SEC22A: variants seen among roughly 807,000 people sequenced by gnomAD.
SEC22A encodes SEC22 homolog A, vesicle trafficking protein.
Under a neutral mutation model 35.3 loss-of-function variants are expected in SEC22A, and 22 were observed. That is an observed-to-expected ratio of 0.62 (90% CI 0.45 to 0.89). The LOEUF is 0.89. Ranked by LOEUF, SEC22A falls within the 40% of genes least tolerant of loss-of-function variation. The pLI is 0.00. For missense variants in SEC22A, 354 were observed against 362.5 expected (o/e 0.98, Z 0.19); for synonymous variants, 119 against 129.5 (o/e 0.92, Z 0.55).
intron 4 of SEC22A, among the ~76,000 whole-genome samples, chr3:123,240,153 A>G (rs138533695): frequency 2.0e-5 from 3 of 152,286 alleles, no homozygotes; most frequent in East Asian, 1.9e-4. Flanking sequence ...GGAATTAGCT[A>G]TCCCTGGGAG....
intron 1 of SEC22A, among the ~76,000 whole-genome samples, chr3:123,205,101 G>T (rs75919587): frequency 0.02 from 3,114 of 152,222 alleles, 54 homozygotes; most frequent in Non-Finnish European, 0.025. Flanking sequence ...AAAAAGTAGG[G>T]GTATGTTTAT....
intron 1 of SEC22A, among the ~76,000 whole-genome samples, chr3:123,207,389 T>C (rs1044909959): frequency 3.3e-5 from 5 of 152,060 alleles, no homozygotes; most frequent in African/African-American, 4.8e-5. Context: ...CTAGATTAAG[T>C]GGGCAGGTAA....
At chr3:123,224,695 G>T (rs1937189979) in intron 3 of SEC22A, among the ~76,000 whole-genome samples, 1 of 152,122 alleles carries the variant, frequency 6.6e-6, no homozygotes, top group South Asian at 2.1e-4. Flanking sequence ...GGAGACTGAG[G>T]CAGAAGGATC....
intron 2 of SEC22A, among the ~76,000 whole-genome samples, chr3:123,212,259 A>G (rs1377527456): frequency 1.3e-5 from 2 of 152,174 alleles, no homozygotes; most frequent in Non-Finnish European, 2.9e-5. Flanking sequence ...GTAAGATGTT[A>G]TATTTAATTG....
chr3:123,232,484 A>C (rs996879333), intron 4 of SEC22A, among the ~76,000 whole-genome samples: 8 of 152,176 alleles, frequency 5.3e-5, no homozygotes, highest in African/African-American at 1.9e-4. Flanking sequence ...GCCCAGATAC[A>C]TTTACTGGTG....
intron 6 of SEC22A, among the ~76,000 whole-genome samples, chr3:123,265,441 C>T (rs758337540): frequency 6.6e-6 from 1 of 150,962 alleles, no homozygotes; most frequent in African/African-American, 2.4e-5. Context: ...GTCTTTTCAT[C>T]CTCTTAACAG....
intron 4 of SEC22A, among the ~76,000 whole-genome samples, chr3:123,225,897 G>A (rs1937210977): frequency 6.6e-6 from 1 of 151,946 alleles, no homozygotes; most frequent in African/African-American, 2.4e-5. Context: ...TTATCTCCAT[G>A]AGTTCAGTTG....
intron 1 of SEC22A, 159 bp from the exon 2 acceptor site, chr3:123,209,037 CCCT>C (rs1408807430): frequency 5.6e-5 from 29 of 521,516 alleles, no homozygotes; most frequent in Non-Finnish European, 8.7e-5. Flanking sequence ...TTGTGATCCA[CCCT>C]CCTCAGCCAC....
At chr3:123,216,292 G>A (rs931099701) in intron 2 of SEC22A, among the ~76,000 whole-genome samples, 5 of 152,180 alleles carry the variant, frequency 3.3e-5, no homozygotes, top group Admixed American at 6.5e-5. Flanking sequence ...TCTCTGGAGT[G>A]TGGCTGTGTT....
intron 2 of SEC22A, among the ~76,000 whole-genome samples, chr3:123,216,627 G>A (rs780884750): frequency 2.0e-5 from 3 of 152,156 alleles, no homozygotes; most frequent in African/African-American, 7.2e-5. Flanking sequence ...TAAGAAAGGA[G>A]TAAGTGAGAA....
intron 6 of SEC22A, among the ~76,000 whole-genome samples, chr3:123,265,388 GT>G (rs1368165844): frequency 2.7e-5 from 4 of 148,834 alleles, no homozygotes; most frequent in South Asian, 2.1e-4. Context: ...CCCAGTCTAT[GT>G]TTTTTTTTAA....
At chr3:123,218,574 A>T (rs1937071327) in intron 2 of SEC22A, among the ~76,000 whole-genome samples, 1 of 152,192 alleles carries the variant, frequency 6.6e-6, no homozygotes, top group Non-Finnish European at 1.5e-5. Flanking sequence ...GAGTAATTCT[A>T]CCTGGCTCTT....
chr3:123,205,358 T>C (rs1278506432), intron 1 of SEC22A, among the ~76,000 whole-genome samples: 1 of 152,188 alleles, frequency 6.6e-6, no homozygotes, highest in Non-Finnish European at 1.5e-5. Flanking sequence ...ATGTAACTAC[T>C]GTGTTCTGCT....
At chr3:123,243,497 A>G (rs1391414999) in intron 4 of SEC22A, among the ~76,000 whole-genome samples, 2 of 152,020 alleles carry the variant, frequency 1.3e-5, no homozygotes, top group East Asian at 1.9e-4. Flanking sequence ...ACCTGACTAC[A>G]TTTTATCTAT....
chr3:123,252,539 G>A (rs886775553), intron 5 of SEC22A, among the ~76,000 whole-genome samples: 1 of 152,182 alleles, frequency 6.6e-6, no homozygotes, highest in South Asian at 2.1e-4. Context: ...CTGAAAATAT[G>A]TAGTGTATTT....
At chr3:123,258,936 A>G (rs891787282) in intron 5 of SEC22A, among the ~76,000 whole-genome samples, 1 of 152,170 alleles carries the variant, frequency 6.6e-6, no homozygotes, top group Non-Finnish European at 1.5e-5. Flanking sequence ...CATTCTATGC[A>G]TGAGGTATCT....
chr3:123,228,940 G>A (rs1447470845), intron 4 of SEC22A, among the ~76,000 whole-genome samples: 2 of 152,098 alleles, frequency 1.3e-5, no homozygotes, highest in African/African-American at 4.8e-5. Context: ...TAGATTGATA[G>A]AGATTATCTA....
At chr3:123,212,432 T>C (rs1411148417) in intron 2 of SEC22A, among the ~76,000 whole-genome samples, 1 of 152,200 alleles carries the variant, frequency 6.6e-6, no homozygotes, top group African/African-American at 2.4e-5. Flanking sequence ...ATTCTGAGTT[T>C]TATTTGTGAA....
intron 6 of SEC22A, among the ~76,000 whole-genome samples, chr3:123,264,456 A>T (rs116137028): frequency 0.013 from 1,899 of 151,768 alleles, 38 homozygotes; most frequent in African/African-American, 0.044. Flanking sequence ...CTGCATCCTC[A>T]CCAGCATTTG....
Sources: gnomAD v4.1 joint callset for allele counts (sites outside exome capture counted in the v4.1 genomes callset) on GRCh38, gnomAD v4.1.1 for gene constraint, MANE v1.5 for transcripts, NCBI Gene and HGNC (gene_info 2026-07-23, HGNC 2026-07-21) for gene names.